The following CEP128 variants were observed in gnomAD, a reference collection of about 807,000 sequenced individuals.
The protein encoded by CEP128 is centrosomal protein 128.
CEP128 carries 132 observed loss-of-function variants against 156.7 expected under a neutral mutation model. The observed-to-expected ratio is 0.84, with a 90% CI of 0.73 to 0.97. The LOEUF (loss-of-function observed/expected upper bound fraction) is 0.97, where lower values mean the gene tolerates loss of function less well. CEP128 is among the 50% of genes least tolerant of loss of function. The pLI is 0.00. For synonymous variants in CEP128, 469 were observed against 448.9 expected (o/e 1.04, Z -0.57); for missense variants, 1,252 against 1,281.9 (o/e 0.98, Z 0.36).
intron 19 of CEP128, among the ~76,000 whole-genome samples, chr14:80,647,922 T>A (rs1894732864): frequency 2.0e-5 from 3 of 152,088 alleles, no homozygotes; most frequent in Non-Finnish European, 2.9e-5. Flanking sequence ...TTAGACCCTA[T>A]AAATAAGCAG....
chr14:80,952,316 C>T (rs1156488969), intron 2 of CEP128, among the ~76,000 whole-genome samples: 1 of 151,780 alleles, frequency 6.6e-6, no homozygotes, highest in African/African-American at 2.4e-5. Context: ...AACTATTTTC[C>T]CTGTCTATAA....
chr14:80,619,729 AAAG>A (rs1164693052), intron 19 of CEP128, among the ~76,000 whole-genome samples: 3 of 151,704 alleles, frequency 2.0e-5, no homozygotes, highest in African/African-American at 7.3e-5. Context: ...AAAAAGAAAG[AAAG>A]AAAATGGAAA....
chr14:80,726,964 G>A (rs1322512074), intron 19 of CEP128, among the ~76,000 whole-genome samples: 4 of 152,118 alleles, frequency 2.6e-5, no homozygotes, highest in Non-Finnish European at 5.9e-5. Flanking sequence ...TCTGAGAAAA[G>A]ATTGCATACA....
At chr14:80,618,048 C>T (rs1217286010) in intron 19 of CEP128, among the ~76,000 whole-genome samples, 2 of 152,156 alleles carry the variant, frequency 1.3e-5, no homozygotes, top group African/African-American at 4.8e-5. Flanking sequence ...TGGCTTACAT[C>T]CTAAGACATG....
intron 19 of CEP128, among the ~76,000 whole-genome samples, chr14:80,628,032 G>C (rs1595114655): frequency 6.6e-6 from 1 of 152,098 alleles, no homozygotes; most frequent in Non-Finnish European, 1.5e-5. Context: ...CTAGCTTCGG[G>C]AGTAAGCGTA....
At chr14:80,559,421 TA>T (rs1379803385) in intron 20 of CEP128, 119 bp from the exon 21 acceptor site, 8 of 797,408 alleles carry the variant, frequency 1.0e-5, no homozygotes, top group Non-Finnish European at 1.5e-5. Flanking sequence ...TTTAAAAATG[TA>T]AAAAATGAGA....
At chr14:80,857,032 G>A (rs1887215373) in intron 9 of CEP128, among the ~76,000 whole-genome samples, 1 of 151,858 alleles carries the variant, frequency 6.6e-6, no homozygotes, top group Non-Finnish European at 1.5e-5. Context: ...ACAGGCATGA[G>A]TCACCATGCC....
chr14:80,797,143 C>A (rs573444979), intron 13 of CEP128, among the ~76,000 whole-genome samples: 1 of 152,120 alleles, frequency 6.6e-6, no homozygotes, highest in Non-Finnish European at 1.5e-5. Flanking sequence ...CTCACTTGAA[C>A]CCAGAAGCAA....
rs778714903 is a variant in CEP128 at position 80,914,334 on chromosome 14, AC to A, written c.221del (p.Gly74ValfsTer3). On this transcript the variant is annotated frameshift_variant, in exon 4 of 25. Coordinates refer to ENST00000555265, the MANE Select transcript of CEP128 (RefSeq NM_152446.5). LOFTEE classifies it high-confidence loss of function. Reference protein sequence around the residue: ...RYREYSNGQAGAIEHLKESLE... With the variant: ...RYREYSNGQAXAIEHLKESLE... Reference sequence around the variant, plus strand: ...TGTAGTTTCTCACATGTTCTATCGCACCCGCCTGTCCATTACTGTATTCTCG... The same window carrying A: ...TGTAGTTTCTCACATGTTCTATCGCACCGCCTGTCCATTACTGTATTCTCG... 5.7e-5 allele frequency: 91 copies of A among 1,609,316 alleles called. No homozygotes were observed. The highest frequency in any genetic ancestry group is 7.2e-5 in the Non-Finnish European group (85 of 1,177,968).
chr14:80,838,159 C>T (rs766127776), intron 11 of CEP128, 45 bp downstream of exon 11: 3 of 1,328,930 alleles, frequency 2.3e-6, no homozygotes, highest in African/African-American at 1.5e-5. Flanking sequence ...CTACTCAATC[C>T]TGATTTAATG....
At chr14:80,878,452 T>G (rs1240190363) in intron 8 of CEP128, among the ~76,000 whole-genome samples, 1 of 152,202 alleles carries the variant, frequency 6.6e-6, no homozygotes. Flanking sequence ...CCTCAGTCCT[T>G]GCTGCTGTTG....
intron 19 of CEP128, among the ~76,000 whole-genome samples, chr14:80,733,680 A>G (rs1269018326): frequency 2.6e-5 from 4 of 152,200 alleles, no homozygotes; most frequent in Admixed American, 6.5e-5. Context: ...TAAGGCATAT[A>G]TAAGTTTTAC....
chr14:80,594,529 C>T (rs1364618532), intron 19 of CEP128, among the ~76,000 whole-genome samples: 1 of 152,242 alleles, frequency 6.6e-6, no homozygotes, highest in East Asian at 1.9e-4. Flanking sequence ...TCAGAGTGAA[C>T]AGGCAACATA....
At chr14:80,682,759 T>C (rs997037147) in intron 19 of CEP128, among the ~76,000 whole-genome samples, 1 of 152,172 alleles carries the variant, frequency 6.6e-6, no homozygotes, top group African/African-American at 2.4e-5. Flanking sequence ...GCAGAAGATT[T>C]ACAAGCCAGG....
intron 20 of CEP128, among the ~76,000 whole-genome samples, chr14:80,567,379 T>C (rs941408632): frequency 2.0e-5 from 3 of 151,258 alleles, no homozygotes; most frequent in African/African-American, 7.3e-5. Flanking sequence ...GAAATGGGGG[T>C]CTATTGGTTT....
intron 21 of CEP128, among the ~76,000 whole-genome samples, chr14:80,536,072 T>C (rs1430825748): frequency 6.6e-6 from 1 of 152,236 alleles, no homozygotes; most frequent in Non-Finnish European, 1.5e-5. Flanking sequence ...GAAGTTCAGC[T>C]GTCTGTACTG....
At chr14:80,914,023 T>C (rs1884402632) in intron 4 of CEP128, among the ~76,000 whole-genome samples, 1 of 152,212 alleles carries the variant, frequency 6.6e-6, no homozygotes, top group Non-Finnish European at 1.5e-5. Flanking sequence ...TTAAAATTCT[T>C]AACTCTACAT....
intron 19 of CEP128, among the ~76,000 whole-genome samples, chr14:80,676,399 T>C (rs1242794511): frequency 6.6e-6 from 1 of 152,082 alleles, no homozygotes; most frequent in East Asian, 1.9e-4. Context: ...TATTGAGTTT[T>C]ACATTCAGAA....
intron 4 of CEP128, among the ~76,000 whole-genome samples, chr14:80,907,067 G>T (rs1410859014): frequency 6.6e-6 from 1 of 152,156 alleles, no homozygotes; most frequent in African/African-American, 2.4e-5. Context: ...AGAACAAGTT[G>T]CTTTACTTGG....
Sources: gnomAD v4.1 joint callset for allele counts (sites outside exome capture counted in the v4.1 genomes callset) on GRCh38, gnomAD v4.1.1 for gene constraint, MANE v1.5 for transcripts, NCBI Gene and HGNC (gene_info 2026-07-23, HGNC 2026-07-21) for gene names.